LIFR: variants seen among roughly 807,000 people sequenced by gnomAD.
LIFR encodes the protein LIF receptor subunit alpha.
In LIFR, 84 loss-of-function variants were observed where a neutral mutation model predicts 122.2. That is an observed-to-expected ratio of 0.69 (90% CI 0.58 to 0.82). The LOEUF is 0.82. Ranked by LOEUF, LIFR falls within the 40% of genes least tolerant of loss-of-function variation. The pLI is 0.00. For synonymous variants in LIFR, 422 were observed against 434.7 expected (o/e 0.97, Z 0.36); for missense variants, 1,294 against 1,311.6 (o/e 0.99, Z 0.21).
At position 38,475,704 on chromosome 5, in the gene LIFR, T is replaced by C. The variant is rs1184588978; in HGVS notation, c.*5891A>G. 2 of 188,428 alleles carry C rather than the reference T, an allele frequency of 1.1e-5. No individual in the cohort carries two copies. Among genetic ancestry groups the C allele is most frequent in the African/African-American group, 4.7e-5 (2 of 42,846 alleles). The allele number at this position is 188,428 out of a possible 1,614,324, so 11.7% of individuals were successfully genotyped here. On this transcript the variant is annotated 3_prime_UTR_variant, in exon 20 of 20. Transcript: ENST00000453190. Reference sequence around the variant, plus strand: ...TTTTGTAAACAGTAATTCACTATAATGCAATTTTGAAAGTAAAAAAAGGTA... The same window carrying C: ...TTTTGTAAACAGTAATTCACTATAACGCAATTTTGAAAGTAAAAAAAGGTA...
intron 1 of LIFR, among the ~76,000 whole-genome samples, chr5:38,539,013 T>C (rs370239318): frequency 2.0e-5 from 3 of 152,134 alleles, no homozygotes; most frequent in African/African-American, 4.8e-5. Flanking sequence ...CAGGCTGGAG[T>C]GCAGTGGCGC....
At chr5:38,598,548 A>T (rs1439044849), upstream of LIFR, among the ~76,000 whole-genome samples, 1 of 151,402 alleles carries the variant, frequency 6.6e-6, no homozygotes, top group African/African-American at 2.4e-5. Flanking sequence ...ATTCTACCTA[A>T]CATTCCTAGT....
At chr5:38,606,284 C>T (rs569133325) in exon 2 of LIFR, 2 of 152,322 alleles carry the variant, frequency 1.3e-5, no homozygotes, top group East Asian at 3.9e-4. Context: ...TTACTCATGG[C>T]AGAAGATGAA....
chr5:38,521,366 A>G (rs1479419080), intron 5 of LIFR, among the ~76,000 whole-genome samples: 2 of 152,180 alleles, frequency 1.3e-5, no homozygotes, highest in Non-Finnish European at 2.9e-5. Flanking sequence ...ATCACCAGCA[A>G]AGAGGGACAA....
intron 18 of LIFR, among the ~76,000 whole-genome samples, chr5:38,483,074 A>G (rs13172400): frequency 2.6e-5 from 4 of 152,232 alleles, no homozygotes; most frequent in Non-Finnish European, 5.9e-5. Flanking sequence ...AGGCTGTGCT[A>G]AGAAAAAGGC....
chr5:38,519,640 A>G (rs1746296249), intron 5 of LIFR, among the ~76,000 whole-genome samples: 1 of 152,188 alleles, frequency 6.6e-6, no homozygotes, highest in African/African-American at 2.4e-5. Flanking sequence ...AGTCTCTAGT[A>G]TCTATCATTC....
rs761582006 is a variant in LIFR, at chr5:38,502,664, T to C, written c.1573A>G (p.Lys525Glu). 2 of 1,613,572 alleles carry C rather than the reference T, an allele frequency of 1.2e-6. No homozygotes were observed. The highest frequency in any genetic ancestry group is 1.7e-6 in the Non-Finnish European group (2 of 1,179,592). ...GCTTCTGTTGTTAAATGTTGTTTTT[T>C]ATTGCTCCATTTGCTCCATTTCCAG... ...TFWKWSKWSN[K>E]KQHLTTEASP... Residue 525 changes from lysine (K) to glutamate (E), a missense_variant, in exon 11 of 20, where the codon AAA becomes GAA. Lys to Glu is a moderately conservative substitution (Grantham distance 56, BLOSUM62 1). Coordinates refer to ENST00000453190, the MANE Select transcript of LIFR (RefSeq NM_001127671.2).
At chr5:38,563,589 T>G (rs1748909957) in intron 1 of LIFR, among the ~76,000 whole-genome samples, 1 of 152,194 alleles carries the variant, frequency 6.6e-6, no homozygotes, top group Admixed American at 6.5e-5. Context: ...TAGAAGATGT[T>G]GGCTAAAAGT....
Position 38,487,578 on chromosome 5 carries a change from C to G in LIFR, c.2335+1500G>C, listed in dbSNP as rs185974419. ...TTCTTTGGCTCTATATACAGTAGTC[C>G]GCCCATTTTCCTCAGAGAATAATTA... On this transcript the variant is annotated intron_variant, in intron 16 of 19. Transcript: ENST00000453190. 6.3e-4 allele frequency among the ~76,000 whole-genome samples: 96 copies of G among 152,104 alleles called. 1 individual carries two copies. The highest frequency in any genetic ancestry group is 2.2e-3 in the African/African-American group (90 of 41,474).
chr5:38,506,660 T>C (rs376417682), intron 7 of LIFR, 28 bp from the exon 8 acceptor site: 6 of 1,586,962 alleles, frequency 3.8e-6, no homozygotes, highest in Non-Finnish European at 5.2e-6. Flanking sequence ...CAGGTACTTA[T>C]GATTACATAT....
At chr5:38,488,866 T>C (rs1298749045) in intron 16 of LIFR, among the ~76,000 whole-genome samples, 2 of 152,230 alleles carry the variant, frequency 1.3e-5, no homozygotes, top group Non-Finnish European at 2.9e-5. Context: ...ATAAATGATT[T>C]AAATGATTTC....
At chr5:38,542,370 A>C (rs936026398) in intron 1 of LIFR, among the ~76,000 whole-genome samples, 2 of 152,168 alleles carry the variant, frequency 1.3e-5, no homozygotes, top group Admixed American at 1.3e-4. Flanking sequence ...AAGACGGTAG[A>C]GGCAGCATGA....
At chr5:38,528,565 C>A in intron 3 of LIFR, 161 bp downstream of exon 3, 2 of 666,002 alleles carry the variant, frequency 3.0e-6, no homozygotes, top group African/African-American at 1.8e-5. Context: ...ATGCTTGGTG[C>A]CCTACAGGAG....
rs1743794114 is a variant in LIFR at position 38,477,789 on chromosome 5, C to G, written c.*3806G>C. 1 of 218,172 alleles carries G rather than the reference C, an allele frequency of 4.6e-6. No homozygotes were observed. The highest frequency in any genetic ancestry group is 1.9e-4 in the South Asian group (1 of 5,400). The allele number at this position is 218,172 out of a possible 1,614,324, so 13.5% of individuals were successfully genotyped here. A position where few individuals can be genotyped will look rare whatever the true frequency, so the allele number is the denominator to read the frequency against. On this transcript the variant is annotated 3_prime_UTR_variant, in exon 20 of 20. Transcript: ENST00000453190. ...AGGACTCAGTCAAGAAAATTAGTTA[C>G]TGAGCTTTCACGATGTGCCTAGTCT...
intron 19 of LIFR, 115 bp from the exon 20 acceptor site, chr5:38,482,333 TA>T: frequency 4.2e-6 from 4 of 963,856 alleles, no homozygotes; most frequent in Non-Finnish European, 6.0e-6. Flanking sequence ...GTGTCTCTAC[TA>T]CTCTGTATTT....
intron 1 of LIFR, among the ~76,000 whole-genome samples, chr5:38,549,599 T>C (rs1295209132): frequency 6.6e-6 from 1 of 152,156 alleles, no homozygotes; most frequent in Non-Finnish European, 1.5e-5. Context: ...GAGACCATCC[T>C]GGCTAACACG....
At chr5:38,578,207 C>CTTTTTTTTTTT (rs3079294) in intron 1 of LIFR, among the ~76,000 whole-genome samples, 1 of 123,456 alleles carries the variant, frequency 8.1e-6, no homozygotes, top group Non-Finnish European at 1.6e-5. Context: ...TTTTCTTTTT[C>CTTTTTTTTTTT]TTTTTTTTTT....
intron 1 of LIFR, among the ~76,000 whole-genome samples, chr5:38,594,116 G>A (rs778799525): frequency 2.6e-5 from 4 of 152,148 alleles, no homozygotes; most frequent in Non-Finnish European, 5.9e-5. Flanking sequence ...GGCTGGCTGC[G>A]ATAAAACCTT....
chr5:38,561,545 C>A (rs982713587), upstream of LIFR, among the ~76,000 whole-genome samples: 1 of 152,178 alleles, frequency 6.6e-6, no homozygotes, highest in South Asian at 2.1e-4. Context: ...GTATATATAT[C>A]TATTTTTTCC....
Sources: gnomAD v4.1 joint callset for allele counts (sites outside exome capture counted in the v4.1 genomes callset) on GRCh38, gnomAD v4.1.1 for gene constraint, MANE v1.5 for transcripts, NCBI Gene and HGNC (gene_info 2026-07-23, HGNC 2026-07-21) for gene names.